MARCHF1: variants seen among roughly 807,000 people sequenced by gnomAD.
The protein encoded by MARCHF1 is membrane associated ring-CH-type finger 1, also known as E3 ubiquitin-protein ligase MARCHF1.
Under a neutral mutation model 54.2 loss-of-function variants are expected in MARCHF1, and 40 were observed. That is an observed-to-expected ratio of 0.74 (90% confidence interval 0.57 to 0.96). MARCHF1 has a LOEUF of 0.96. Ranked by LOEUF, MARCHF1 falls within the 40% of genes least tolerant of loss-of-function variation. The pLI is 0.00. For missense variants in MARCHF1, 586 were observed against 656.5 expected (o/e 0.89, Z 1.17); for synonymous variants, 236 against 236.3 (o/e 1.00, Z 0.01).
intron 5 of MARCHF1, among the ~76,000 whole-genome samples, chr4:163,622,294 C>T (rs1741718066): frequency 6.6e-6 from 1 of 152,008 alleles, no homozygotes; most frequent in Non-Finnish European, 1.5e-5. Flanking sequence ...GCCAGGAGCA[C>T]TGTAGCAACA....
intron 1 of MARCHF1, among the ~76,000 whole-genome samples, chr4:164,314,092 A>C (rs181837078): frequency 1.1e-3 from 162 of 152,308 alleles, no homozygotes; most frequent in Non-Finnish European, 1.9e-3. Context: ...CTTTTGCAGA[A>C]GCCCTTTCAT....
chr4:163,823,064 C>T (rs1268908805), intron 4 of MARCHF1, among the ~76,000 whole-genome samples: 2 of 151,774 alleles, frequency 1.3e-5, no homozygotes, highest in African/African-American at 2.4e-5. Flanking sequence ...CCCATATCAA[C>T]ATCACTTACA....
chr4:163,901,158 G>A (rs1254731185), intron 3 of MARCHF1, among the ~76,000 whole-genome samples: 2 of 152,162 alleles, frequency 1.3e-5, no homozygotes, highest in African/African-American at 4.8e-5. Flanking sequence ...TCAGCTTTAA[G>A]GATAAACTAG....
At chr4:163,835,292 C>A (rs938803078) in intron 4 of MARCHF1, among the ~76,000 whole-genome samples, 1 of 152,172 alleles carries the variant, frequency 6.6e-6, no homozygotes, top group Non-Finnish European at 1.5e-5. Context: ...GATAAGACCA[C>A]ATTCGTGGTT....
intron 4 of MARCHF1, among the ~76,000 whole-genome samples, chr4:163,764,784 G>A (rs1038627292): frequency 6.6e-5 from 10 of 152,032 alleles, no homozygotes; most frequent in African/African-American, 2.4e-4. Flanking sequence ...CAGTTATTGA[G>A]GGTTGTCACT....
chr4:164,292,752 T>C (rs1734315112), intron 1 of MARCHF1, among the ~76,000 whole-genome samples: 2 of 152,196 alleles, frequency 1.3e-5, no homozygotes, highest in Admixed American at 6.5e-5. Flanking sequence ...TGAAAAACAG[T>C]AGCCATAAAT....
intron 2 of MARCHF1, among the ~76,000 whole-genome samples, chr4:164,026,510 CA>C (rs1045999499): frequency 6.6e-5 from 10 of 151,788 alleles, no homozygotes; most frequent in African/African-American, 2.2e-4. Flanking sequence ...TAGACACACA[CA>C]AAAAAATATT....
chr4:163,755,428 T>C (rs1746637247), intron 4 of MARCHF1, among the ~76,000 whole-genome samples: 4 of 152,142 alleles, frequency 2.6e-5, no homozygotes, highest in Admixed American at 2.0e-4. Flanking sequence ...TAAAATATTA[T>C]AGTTGGCAAA....
intron 7 of MARCHF1, among the ~76,000 whole-genome samples, chr4:163,591,068 ATTAT>A (rs138554467): frequency 0.019 from 2,924 of 151,598 alleles, 81 homozygotes; most frequent in African/African-American, 0.065. Flanking sequence ...ATTTCATATG[ATTAT>A]TAATTAATTA....
In MARCHF1 at chr4:163,860,176, T is replaced by C. The variant is rs1163687781; in HGVS notation, c.-38-6007A>G. On this transcript the variant is annotated intron_variant, in intron 3 of 9. Coordinates refer to ENST00000514618, the MANE Select transcript of MARCHF1 (RefSeq NM_001394959.1). ...TAGAGAATTATGGTCGATTTCAGAATACATGGAGAGAAGTTGATGGAGCCC... is the reference window on the plus strand; with the variant it reads ...TAGAGAATTATGGTCGATTTCAGAACACATGGAGAGAAGTTGATGGAGCCC... Among the ~76,000 whole-genome samples, 6 of 152,252 alleles carry C rather than the reference T, an allele frequency of 3.9e-5. No homozygotes were observed. The South Asian group carries it at 8.3e-4, about 21-fold the overall frequency.
intron 3 of MARCHF1, among the ~76,000 whole-genome samples, chr4:163,966,035 G>A (rs895961377): frequency 4.6e-5 from 7 of 151,888 alleles, no homozygotes; most frequent in East Asian, 1.9e-4. Context: ...CTGATGCTAC[G>A]GTTTATTACA....
At chr4:163,872,653 G>A (rs1386907498) in intron 3 of MARCHF1, among the ~76,000 whole-genome samples, 1 of 152,152 alleles carries the variant, frequency 6.6e-6, no homozygotes, top group Non-Finnish European at 1.5e-5. Context: ...GGTATTCTAT[G>A]TCAGAATACT....
rs1259869924 is a variant in MARCHF1 at position 164,272,864 on chromosome 4, GAAAT to G, written c.-323+111002_-323+111005del. Among the ~76,000 whole-genome samples the G allele has an allele frequency of 6.6e-5, 10 of 151,798 alleles. No individual in the cohort carries two copies. In the South Asian group the frequency reaches 1.9e-3, roughly 28 times the overall value. On this transcript the variant is annotated intron_variant, in intron 1 of 9. Transcript: ENST00000514618. ...AAAATGATAAATAACATACAATAAA[GAAAT>G]AGAGAAAAAATTATAACCTAGTTGA...
intron 1 of MARCHF1, among the ~76,000 whole-genome samples, chr4:164,182,171 TG>T (rs1393654324): frequency 6.6e-6 from 1 of 152,144 alleles, no homozygotes; most frequent in Non-Finnish European, 1.5e-5. Flanking sequence ...GTAGACATAA[TG>T]TGGCTCCCTC....
At chr4:163,708,748 T>C (rs968493402) in intron 4 of MARCHF1, among the ~76,000 whole-genome samples, 7 of 151,966 alleles carry the variant, frequency 4.6e-5, no homozygotes, top group African/African-American at 1.4e-4. Context: ...AAAAACTATA[T>C]TAACATGAAT....
chr4:164,238,908 G>T (rs549432494), intron 1 of MARCHF1, among the ~76,000 whole-genome samples: 2 of 151,856 alleles, frequency 1.3e-5, no homozygotes, highest in South Asian at 4.2e-4. Flanking sequence ...TAATATACTT[G>T]ACTTTATTTG....
chr4:164,156,753 A>T (rs1403899092), intron 1 of MARCHF1, among the ~76,000 whole-genome samples: 1 of 152,114 alleles, frequency 6.6e-6, no homozygotes, highest in Non-Finnish European at 1.5e-5. Context: ...TTTATAGGAG[A>T]TGAATAATGT....
At chr4:163,845,844 C>T (rs568789108) in intron 4 of MARCHF1, among the ~76,000 whole-genome samples, 18 of 152,066 alleles carry the variant, frequency 1.2e-4, no homozygotes, top group African/African-American at 2.9e-4. Context: ...AAAGTTAATA[C>T]GATACTTTAA....
intron 3 of MARCHF1, among the ~76,000 whole-genome samples, chr4:163,916,140 C>T (rs776762556): frequency 1.3e-5 from 2 of 152,136 alleles, no homozygotes; most frequent in Non-Finnish European, 2.9e-5. Flanking sequence ...GCAGGTTGAT[C>T]TGCGTCTCTC....
Sources: allele counts gnomAD v4.1 joint callset (sites outside exome capture counted in the v4.1 genomes callset), GRCh38; gene constraint gnomAD v4.1.1; transcripts MANE v1.5; gene names NCBI Gene and HGNC (gene_info 2026-07-23, HGNC 2026-07-21).